Variants in SENP5 observed in about 807,000 individuals in gnomAD.
The protein encoded by SENP5 is sentrin-specific protease 5.
A neutral mutation model predicts 74.2 loss-of-function variants in SENP5; 21 were observed. That is an observed-to-expected ratio of 0.28 (90% confidence interval 0.20 to 0.41). SENP5 has a LOEUF of 0.41. Among genes scored for constraint, SENP5 ranks in the 10% least tolerant of loss-of-function variants. SENP5 has a pLI of 1.00. For synonymous variants in SENP5, 311 were observed against 312.7 expected (o/e 0.99, Z 0.06); for missense variants, 717 against 889.1 (o/e 0.81, Z 2.46).
chr3:196,882,764 G>T (rs1713782184), intron 1 of SENP5, among the ~76,000 whole-genome samples: 1 of 151,978 alleles, frequency 6.6e-6, no homozygotes, highest in African/African-American at 2.4e-5. Context: ...TTGGCCTCCC[G>T]AAGTATTGGG....
rs1397333062 is a variant in SENP5 at position 196,886,177 on chromosome 3, T to C, written c.996T>C (p.Ser332=). ...CTGATTGCCACACTAAAGGAAGCTC[T>C]TTCTTGGGCAAGGAGCTTAGTTTAG... ...HVPDCHTKGS[S]FLGKELSLDE... Residue 332 remains serine, a synonymous_variant, in exon 2 of 10, where the codon TCT becomes TCC. Coordinates refer to ENST00000323460, the MANE Select transcript of SENP5 (RefSeq NM_152699.5). 6.2e-7 allele frequency: 1 copy of C among 1,614,216 alleles called. No individual in the cohort carries two copies.
intron 6 of SENP5, among the ~76,000 whole-genome samples, chr3:196,914,939 A>T (rs1461004445): frequency 6.6e-6 from 1 of 152,120 alleles, no homozygotes; most frequent in Non-Finnish European, 1.5e-5. Flanking sequence ...GAGGAAGAGC[A>T]AAATGATTGT....
At chr3:196,902,394 A>T (rs1714735804) in intron 5 of SENP5, among the ~76,000 whole-genome samples, 1 of 152,164 alleles carries the variant, frequency 6.6e-6, no homozygotes, top group Admixed American at 6.6e-5. Flanking sequence ...GCCTCTCAAA[A>T]TTGCTGGGAT....
chr3:196,923,535 T>A lies in SENP5; in HGVS notation c.2006T>A (p.Phe669Tyr). 6.2e-7 allele frequency: 1 copy of A among 1,606,572 alleles called. No individual in the cohort carries two copies. Among genetic ancestry groups the A allele is most frequent in the East Asian group, 2.2e-5 (1 of 44,810 alleles). Residue 669 changes from phenylalanine (F) to tyrosine (Y), a missense_variant, in exon 7 of 10, where the codon TTT becomes TAT. Around this residue, in one of 4 missense-constraint regions of SENP5, gnomAD observed 85 missense variants for 188.9 expected, o/e 0.45. Transcript: ENST00000323460. The stretch of plus-strand genomic sequence containing the variant: ...TTTTATGATTCCCAAGGCATTCATT[T>A]TAAGTTTTGTGTAGAGGTAAGTTAA... ...ISFYDSQGIH[F>Y]KFCVENIRKY... is the part of the protein sequence containing the mutation.
Position 196,933,684 on chromosome 3 carries a change from C to T in SENP5, c.*2761C>T, listed in dbSNP as rs1147242. 122,593 of 151,754 alleles carry T rather than the reference C, an allele frequency of 0.81. 50,355 individuals are homozygous for T. The highest frequency in any genetic ancestry group is 0.95 in the African/African-American group (39,181 of 41,402). 9.4% of individuals were successfully genotyped at this position (151,754 alleles called of 1,614,324 possible). A position where few individuals can be genotyped will look rare whatever the true frequency, so the allele number is the denominator to read the frequency against. On this transcript the variant is annotated 3_prime_UTR_variant, in exon 10 of 10. Coordinates refer to ENST00000323460, the MANE Select transcript of SENP5 (RefSeq NM_152699.5). ...GATGTGATCTCGGCTCACTGCAACC[C>T]CTGCCTCCCAGGTTCAAGTGATTCT...
At chr3:196,926,639 C>CT (rs1192258612) in intron 7 of SENP5, among the ~76,000 whole-genome samples, 49,823 of 126,574 alleles carry the variant, frequency 0.39, 10,593 homozygotes, top group Non-Finnish European at 0.42. Context: ...TCCAGTCCAC[C>CT]TTTTTTTTTT....
At chr3:196,880,872 C>T (rs1713697182) in intron 1 of SENP5, among the ~76,000 whole-genome samples, 1 of 151,946 alleles carries the variant, frequency 6.6e-6, no homozygotes, top group South Asian at 2.1e-4. Context: ...AACTCGCGAC[C>T]TCAGGTGATC....
chr3:196,880,044 CA>C (rs1713656338), intron 1 of SENP5, among the ~76,000 whole-genome samples: 1 of 152,000 alleles, frequency 6.6e-6, no homozygotes. Context: ...CTCCTGGGTT[CA>C]AGTGATTCTC....
chr3:196,915,428 C>T (rs906971733), intron 6 of SENP5, among the ~76,000 whole-genome samples: 4 of 152,144 alleles, frequency 2.6e-5, no homozygotes, highest in African/African-American at 4.8e-5. Context: ...AATTCTAGGC[C>T]CTAGACCCTG....
chr3:196,912,587 G>A (rs1423418748), intron 6 of SENP5: 9 of 151,646 alleles, frequency 5.9e-5, no homozygotes, highest in African/African-American at 1.7e-4. Flanking sequence ...ACTAGATGAC[G>A]GATTGATAAG....
intron 6 of SENP5, among the ~76,000 whole-genome samples, chr3:196,910,573 C>T (rs927627646): frequency 2.0e-5 from 3 of 151,730 alleles, no homozygotes; most frequent in African/African-American, 7.3e-5. Flanking sequence ...GTCTCGATGT[C>T]CTGACCTCGT....
intron 6 of SENP5, chr3:196,914,211 C>T (rs1446946024): frequency 6.6e-6 from 1 of 152,028 alleles, no homozygotes; most frequent in African/African-American, 2.4e-5. Flanking sequence ...TATCTACTGA[C>T]CTGTTACAGC....
intron 2 of SENP5, among the ~76,000 whole-genome samples, chr3:196,897,303 G>GT (rs1423415203): frequency 1.3e-5 from 2 of 152,182 alleles, no homozygotes; most frequent in Admixed American, 6.6e-5. Context: ...TTAGGTAACT[G>GT]TAAGATGTGA....
At chr3:196,876,657 G>C (rs980511574) in intron 1 of SENP5, among the ~76,000 whole-genome samples, 4 of 150,586 alleles carry the variant, frequency 2.7e-5, no homozygotes, top group African/African-American at 9.8e-5. Flanking sequence ...TCGGTGGGCG[G>C]ATCACTTGAG....
chr3:196,879,945 A>G (rs1713651734), intron 1 of SENP5, among the ~76,000 whole-genome samples: 1 of 151,970 alleles, frequency 6.6e-6, no homozygotes, highest in Non-Finnish European at 1.5e-5. Flanking sequence ...GTTTTGTTTC[A>G]GTTTTTTTTG....
chr3:196,873,623 G>A (rs1011480510), intron 1 of SENP5, among the ~76,000 whole-genome samples: 3 of 151,482 alleles, frequency 2.0e-5, no homozygotes, highest in Non-Finnish European at 3.0e-5. Flanking sequence ...GGTGGATTGC[G>A]AGGTCAGGAG....
chr3:196,894,384 A>G (rs1714352625), intron 2 of SENP5, among the ~76,000 whole-genome samples: 1 of 151,852 alleles, frequency 6.6e-6, no homozygotes, highest in Non-Finnish European at 1.5e-5. Flanking sequence ...TATCCTCCCA[A>G]AGTGCTGGGA....
chr3:196,895,508 A>G (rs1447140046), intron 2 of SENP5, among the ~76,000 whole-genome samples: 1 of 151,716 alleles, frequency 6.6e-6, no homozygotes, highest in African/African-American at 2.4e-5. Flanking sequence ...CTTTTTTTTA[A>G]AAAGTTCTTT....
chr3:196,897,789 C>CAA (rs1460857777), intron 2 of SENP5, among the ~76,000 whole-genome samples: 1 of 152,196 alleles, frequency 6.6e-6, no homozygotes, highest in Non-Finnish European at 1.5e-5. Context: ...TTGCTCTGCC[C>CAA]ATTCAGCATT....
Sources: gnomAD v4.1 joint callset for allele counts (sites outside exome capture counted in the v4.1 genomes callset) on GRCh38, gnomAD v4.1.1 for gene constraint, gnomAD v4.1.1 regional missense constraint, MANE v1.5 for transcripts, NCBI Gene and HGNC (gene_info 2026-07-23, HGNC 2026-07-21) for gene names.